BFSP1: variants seen among roughly 807,000 people sequenced by gnomAD.
BFSP1 encodes filensin.
In BFSP1, 38 loss-of-function variants were observed where a neutral mutation model predicts 43.9. The observed-to-expected ratio is 0.87, with a 90% CI of 0.67 to 1.14. The LOEUF is 1.14. Among genes scored for constraint, BFSP1 ranks in the 50% most tolerant of loss-of-function variants. The pLI is 0.00. For missense variants in BFSP1, 850 were observed against 875.1 expected, an observed-to-expected ratio of 0.97 and a Z score of 0.36; for synonymous variants, 352 against 354.8, an observed-to-expected ratio of 0.99 and a Z score of 0.09.
chr20:17,543,377 C>T (rs943486476), intron 1 of BFSP1, among the ~76,000 whole-genome samples: 6 of 152,124 alleles, frequency 3.9e-5, no homozygotes, highest in African/African-American at 9.7e-5. Flanking sequence ...GCGTCATGAC[C>T]GACTAAAACC....
chr20:17,566,982 A>G (rs1475556362), intron 1 of BFSP1, among the ~76,000 whole-genome samples: 1 of 152,088 alleles, frequency 6.6e-6, no homozygotes, highest in Admixed American at 6.6e-5. Flanking sequence ...CACTAATCCT[A>G]TTAAAGGGGG....
At chr20:17,518,086 C>A (rs1184981127) in intron 2 of BFSP1, among the ~76,000 whole-genome samples, 1 of 152,216 alleles carries the variant, frequency 6.6e-6, no homozygotes, top group African/African-American at 2.4e-5. Context: ...CTGCTGCCAC[C>A]AGCACCACTG....
At chr20:17,506,994 T>C (rs2033953202) in intron 5 of BFSP1, 1 of 152,202 alleles carries the variant, frequency 6.6e-6, no homozygotes, top group Non-Finnish European at 1.5e-5. Context: ...GAAGTCCTCC[T>C]GCAGCCACTC....
chr20:17,504,813 G>T (rs1033678338), intron 5 of BFSP1, among the ~76,000 whole-genome samples: 1 of 152,152 alleles, frequency 6.6e-6, no homozygotes, highest in African/African-American at 2.4e-5. Context: ...GCCGCTGAGG[G>T]CACGACACAG....
At position 17,494,364 on chromosome 20, in the gene BFSP1, T is replaced by C; in HGVS notation, c.1708A>G (p.Arg570Gly). ...GGTGTGACCATGGCACAGGGTCTCC[T>C]GGACTCTTCGTCCCGCTCCTCACCC... ...REGEERDEESRRPCAMVTPGA... is the reference protein window; with the variant it reads ...REGEERDEESGRPCAMVTPGA... The change falls in exon 8 of 8, where the codon AGG becomes GGG. Residue 570 changes from arginine to glycine, a missense_variant. Transcript: ENST00000377873. The C allele has an allele frequency of 2.5e-6, 4 of 1,614,260 alleles. No homozygotes were observed. The highest frequency in any genetic ancestry group is 3.4e-6 in the Non-Finnish European group (4 of 1,180,044).
At chr20:17,558,848 A>G (rs1456287643) in exon 1 of BFSP1, 10 of 1,062,824 alleles carry the variant, frequency 9.4e-6, no homozygotes, top group Admixed American at 3.2e-5. Flanking sequence ...GAGGCTTTAG[A>G]GGTTTGCAGA....
At chr20:17,563,856 C>T (rs762390962), upstream of BFSP1, among the ~76,000 whole-genome samples, 1 of 145,324 alleles carries the variant, frequency 6.9e-6, no homozygotes, top group Non-Finnish European at 1.5e-5. Flanking sequence ...ACTGTAACTC[C>T]AGCCTGGGTG....
At chr20:17,540,447 A>G (rs1195040936) in intron 1 of BFSP1, among the ~76,000 whole-genome samples, 1 of 152,098 alleles carries the variant, frequency 6.6e-6, no homozygotes, top group Non-Finnish European at 1.5e-5. Flanking sequence ...GAAGATGTCT[A>G]AAGTGGTCTT....
At chr20:17,499,553 G>C (rs1233917953) in intron 5 of BFSP1, among the ~76,000 whole-genome samples, 1 of 151,786 alleles carries the variant, frequency 6.6e-6, no homozygotes, top group Admixed American at 6.6e-5. Context: ...AGCCCTTCTT[G>C]CACTAATATC....
chr20:17,540,641 C>T (rs1042653262), intron 1 of BFSP1, among the ~76,000 whole-genome samples: 2 of 152,090 alleles, frequency 1.3e-5, no homozygotes, highest in African/African-American at 4.8e-5. Flanking sequence ...CCCCAGGTGC[C>T]CACCCTCCAT....
At chr20:17,511,566 A>G (rs1426761980) in intron 4 of BFSP1, among the ~76,000 whole-genome samples, 1 of 152,192 alleles carries the variant, frequency 6.6e-6, no homozygotes, top group Non-Finnish European at 1.5e-5. Context: ...CACCACCATT[A>G]GAAGAGCAAA....
At chr20:17,512,170 C>T (rs770006612) in intron 3 of BFSP1, 102 bp from the exon 4 acceptor site, 32 of 874,024 alleles carry the variant, frequency 3.7e-5, no homozygotes, top group Middle Eastern at 2.6e-4. Context: ...CACGCTCCCT[C>T]ATCACAGACA....
intron 5 of BFSP1, among the ~76,000 whole-genome samples, chr20:17,506,189 CAG>C (rs942677499): frequency 1.8e-4 from 27 of 152,318 alleles, no homozygotes; most frequent in African/African-American, 6.3e-4. Flanking sequence ...GGCAAAGAAA[CAG>C]GGTCCTCACT....
Position 17,531,180 on chromosome 20 carries a change from G to T in BFSP1, c.150C>A (p.Arg50=). ...GGGCCCGCTGGACGTGGGCGGCCAC[G>T]CGCTCGCCGAGCCCCTGCAGCGCCG... is the stretch of plus-strand genomic sequence containing the variant. ...SLAALQGLGE[R]VAAHVQRARA... is the part of the protein sequence containing the mutation. Residue 50 remains arginine, a synonymous_variant, in exon 1 of 8, where the codon CGC becomes CGA. Transcript: ENST00000377873. 1 of 1,289,828 alleles carries T rather than the reference G, an allele frequency of 7.8e-7. No individual in the cohort carries two copies. 79.9% of individuals were successfully genotyped at this position (1,289,828 alleles called of 1,614,324 possible). A position where few individuals can be genotyped will look rare whatever the true frequency, so the allele number is the denominator to read the frequency against.
intron 6 of BFSP1, among the ~76,000 whole-genome samples, chr20:17,497,917 G>A (rs1198954826): frequency 6.6e-6 from 1 of 152,102 alleles, no homozygotes; most frequent in African/African-American, 2.4e-5. Flanking sequence ...CAAAGTCACC[G>A]AAATGCCAGC....
At chr20:17,499,332 C>A (rs189848336) in intron 5 of BFSP1, among the ~76,000 whole-genome samples, 1 of 150,844 alleles carries the variant, frequency 6.6e-6, no homozygotes, top group Non-Finnish European at 1.5e-5. Flanking sequence ...CATCCTCGAC[C>A]TCCCAGGCTA....
rs762153216 is a variant in BFSP1, at chr20:17,494,687, G to C, written c.1385C>G (p.Thr462Ser). 1 of 1,611,630 alleles carries C rather than the reference G, an allele frequency of 6.2e-7. No individual in the cohort carries two copies. Among genetic ancestry groups the C allele is most frequent in the Non-Finnish European group, 8.5e-7 (1 of 1,178,928 alleles). Reference sequence around the variant, plus strand: ...GTGCCGCTCTTTGGTGTAGAGCTCAGTGGGGGTCTCAGGCTCTTTGGGGCT... The same window carrying C: ...GTGCCGCTCTTTGGTGTAGAGCTCACTGGGGGTCTCAGGCTCTTTGGGGCT... ...VRSPKEPETP[T>S]ELYTKERHVL... is the part of the protein sequence containing the mutation. The change falls in exon 8 of 8, where the codon ACT (threonine) becomes AGT (serine). Residue 462 changes from threonine to serine, a missense_variant. Coordinates refer to ENST00000377873, the MANE Select transcript of BFSP1 (RefSeq NM_001195.5).
intron 1 of BFSP1, among the ~76,000 whole-genome samples, chr20:17,537,494 A>AT (rs1209042645): frequency 6.6e-6 from 1 of 150,662 alleles, no homozygotes; most frequent in East Asian, 2.0e-4. Flanking sequence ...GAAGCCTGAG[A>AT]TTCAAACACT....
At chr20:17,568,906 A>G (rs1209670706) in intron 1 of BFSP1, among the ~76,000 whole-genome samples, 2 of 152,218 alleles carry the variant, frequency 1.3e-5, no homozygotes, top group Admixed American at 1.3e-4. Context: ...ATTAATTTAT[A>G]AAATTCTTTG....
Sources: gnomAD v4.1 joint callset for allele counts (sites outside exome capture counted in the v4.1 genomes callset) on GRCh38, gnomAD v4.1.1 for gene constraint, MANE v1.5 for transcripts, NCBI Gene and HGNC (gene_info 2026-07-23, HGNC 2026-07-21) for gene names.